LZTFL1: variants seen among roughly 807,000 people sequenced by gnomAD.
LZTFL1 encodes leucine zipper transcription factor-like protein 1.
In LZTFL1, 25 loss-of-function variants were observed where a neutral mutation model predicts 45.9. The ratio of observed to expected loss-of-function variants is 0.54; its 90% CI spans 0.40 to 0.76. LZTFL1 has a LOEUF of 0.76. Ranked by LOEUF, LZTFL1 falls within the 30% of genes least tolerant of loss-of-function variation. The pLI is 0.00. For synonymous variants in LZTFL1, 93 were observed against 117.4 expected, an observed-to-expected ratio of 0.79 and a Z score of 1.35; for missense variants, 277 against 331.1, an observed-to-expected ratio of 0.84 and a Z score of 1.27.
intron 2 of LZTFL1, among the ~76,000 whole-genome samples, chr3:45,892,067 G>A (rs1441050014): frequency 6.6e-6 from 1 of 152,072 alleles, no homozygotes; most frequent in African/African-American, 2.4e-5. Context: ...GCTGTTTAGT[G>A]GAGAAAGATA....
chr3:45,878,577 G>T (rs1432159845), intron 2 of LZTFL1, among the ~76,000 whole-genome samples: 1 of 150,662 alleles, frequency 6.6e-6, no homozygotes, highest in Non-Finnish European at 1.5e-5. Context: ...GATTTTTAGG[G>T]TCACAAAGGC....
Position 45,833,056 on chromosome 3 carries a change from T to C in LZTFL1, c.450A>G (p.Leu150=). Residue 150 remains leucine (L), a synonymous_variant, in exon 5 of 10, where the codon CTA becomes CTG. Transcript: ENST00000296135. ...PLNEGGTAEL[L]NKEILRLQEE... ...CTCAAAATAATAATATTACCTTGTT[T>C]AGGAGTTCTGCTGTTCCACCTTCAT... The C allele has an allele frequency of 6.2e-7, 1 of 1,611,100 alleles. No homozygotes were observed. Among genetic ancestry groups the C allele is most frequent in the Non-Finnish European group, 8.5e-7 (1 of 1,177,388 alleles).
intron 1 of LZTFL1, 144 bp from the exon 2 acceptor site, chr3:45,838,195 G>A: frequency 1.2e-6 from 1 of 854,716 alleles, no homozygotes; most frequent in Non-Finnish European, 1.7e-6. Flanking sequence ...CTGCATGGCT[G>A]CCCACCTAGA....
At chr3:45,849,771 G>C (rs1379989298) in intron 4 of LZTFL1, among the ~76,000 whole-genome samples, 2 of 152,168 alleles carry the variant, frequency 1.3e-5, no homozygotes, top group East Asian at 1.9e-4. Context: ...TACTTTTCGT[G>C]TATAGAATTG....
At chr3:45,883,831 G>A (rs953293077) in intron 2 of LZTFL1, 2 of 530,732 alleles carry the variant, frequency 3.8e-6, no homozygotes, top group South Asian at 2.7e-5. Context: ...TTGCAGCCAC[G>A]GAGTAGGCCA....
rs115997598 is a variant in LZTFL1 at position 45,824,633 on chromosome 3, T to C, written c.*1681A>G. 2.9e-4 allele frequency: 114 copies of C among 393,876 alleles called. No individual in the cohort carries two copies. The highest frequency in any genetic ancestry group is 2.1e-3 in the African/African-American group (101 of 48,656). 24.4% of individuals were successfully genotyped at this position (393,876 alleles called of 1,614,324 possible). ...ATAGGTTTCTTATCAACATACCTTT[T>C]TTCCTCACTGGTTTCAAACTGACAA... On this transcript the variant is annotated 3_prime_UTR_variant, in exon 10 of 10. Coordinates refer to ENST00000296135, the MANE Select transcript of LZTFL1 (RefSeq NM_020347.4).
At chr3:45,828,670 G>C in intron 7 of LZTFL1, 55 bp from the exon 8 acceptor site, 1 of 1,378,080 alleles carries the variant, frequency 7.3e-7, no homozygotes, top group Non-Finnish European at 1.0e-6. Context: ...AAAAATAACT[G>C]TTTTAGAATG....
chr3:45,860,780 G>C (rs1392581530), intron 2 of LZTFL1, among the ~76,000 whole-genome samples: 1 of 152,112 alleles, frequency 6.6e-6, no homozygotes, highest in Non-Finnish European at 1.5e-5. Context: ...TCTCTTAAAG[G>C]GTTGCCTCAG....
At position 45,830,908 on chromosome 3, in the gene LZTFL1, T is replaced by C. The variant is rs1700795915; in HGVS notation, c.600+5A>G. On this transcript the variant is annotated splice_donor_5th_base_variant and intron_variant, in intron 7 of 9. Coordinates refer to ENST00000296135, the MANE Select transcript of LZTFL1 (RefSeq NM_020347.4). The stretch of plus-strand genomic sequence containing the variant: ...TGTGAGAAAGGTAGCTAAAACTTGT[T>C]TCACCTTTTGATTTCCTTGATCAAG... The C allele has an allele frequency of 1.2e-6, 2 of 1,612,612 alleles. No individual in the cohort carries two copies. Among genetic ancestry groups the C allele is most frequent in the East Asian group, 4.5e-5 (2 of 44,848 alleles).
intron 4 of LZTFL1, 70 bp from the exon 5 acceptor site, chr3:45,833,191 C>T (rs950180138): frequency 1.9e-6 from 2 of 1,078,556 alleles, no homozygotes; most frequent in Admixed American, 1.7e-5. Context: ...TGAACACTTG[C>T]ACTTTGCAAG....
exon 2 of LZTFL1, chr3:45,913,156 T>C (rs1482770761): frequency 6.5e-7 from 1 of 1,535,892 alleles, no homozygotes; most frequent in Non-Finnish European, 8.7e-7. Flanking sequence ...TCTGTAAAAG[T>C]GGGCTGACTT....
In LZTFL1 at chr3:45,901,065, G is replaced by T; in HGVS notation, c.-215+12055C>A. ...CATGTTCCTTTTGAATTTGGCAATTGCTGACCTCCTCTTTCTTGTCACTCT... is the reference window on the plus strand; with the variant it reads ...CATGTTCCTTTTGAATTTGGCAATTTCTGACCTCCTCTTTCTTGTCACTCT... On this transcript the variant is annotated intron_variant, in intron 2 of 4. Coordinates refer to the LZTFL1 transcript ENST00000472635. This position sits in a 1 kb window ranked among gnomAD's most constrained non-coding sequence, Gnocchi z 4.3. 6.2e-7 allele frequency: 1 copy of T among 1,614,158 alleles called. No homozygotes were observed. Among genetic ancestry groups the T allele is most frequent in the Non-Finnish European group, 8.5e-7 (1 of 1,180,032 alleles).
intron 8 of LZTFL1, 79 bp from the exon 9 acceptor site, chr3:45,827,538 T>C (rs543354529): frequency 3.5e-6 from 3 of 854,896 alleles, no homozygotes; most frequent in Non-Finnish European, 5.7e-6. Flanking sequence ...AAATATGTAG[T>C]TTTTTTTGCT....
rs574033428 is a variant in LZTFL1, at chr3:45,824,206, A to G, written c.*2108T>C. The G allele has an allele frequency of 6.6e-6, 1 of 152,186 alleles. No individual in the cohort carries two copies. The highest frequency in any genetic ancestry group is 6.5e-5 in the Admixed American group (1 of 15,282). 9.4% of individuals were successfully genotyped at this position (152,186 alleles called of 1,614,324 possible). On this transcript the variant is annotated 3_prime_UTR_variant, in exon 10 of 10. Coordinates refer to ENST00000296135, the MANE Select transcript of LZTFL1 (RefSeq NM_020347.4). ...TGCCTGTCTGGCTTAGCACATCAAA[A>G]GTCTAATCAAGGCTCAAACCACCAT...
At chr3:45,844,396 G>C (rs528680121), upstream of LZTFL1, among the ~76,000 whole-genome samples, 1 of 152,146 alleles carries the variant, frequency 6.6e-6, no homozygotes, top group Non-Finnish European at 1.5e-5. Context: ...GGGGATGCAG[G>C]GGGACTAAGG....
At chr3:45,888,844 G>A (rs1045308831) in intron 2 of LZTFL1, among the ~76,000 whole-genome samples, 2 of 152,214 alleles carry the variant, frequency 1.3e-5, no homozygotes, top group Admixed American at 6.5e-5. Context: ...GGTTCTAGAT[G>A]TGGGCTCTAG....
intron 7 of LZTFL1, among the ~76,000 whole-genome samples, 183 bp downstream of exon 7, chr3:45,830,730 G>C (rs919556579): frequency 6.6e-6 from 1 of 152,164 alleles, no homozygotes; most frequent in Non-Finnish European, 1.5e-5. Context: ...TGGACAGAGG[G>C]AAGGTCACTG....
intron 2 of LZTFL1, among the ~76,000 whole-genome samples, chr3:45,881,382 G>T (rs1701857152): frequency 6.6e-6 from 1 of 152,120 alleles, no homozygotes; most frequent in African/African-American, 2.4e-5. Flanking sequence ...GCCTCCAACT[G>T]GTTTTGTTCT....
intron 2 of LZTFL1, among the ~76,000 whole-genome samples, chr3:45,878,475 C>T (rs1401943681): frequency 6.6e-6 from 1 of 151,866 alleles, no homozygotes; most frequent in Non-Finnish European, 1.5e-5. Flanking sequence ...CAGGGGTTGG[C>T]GCTATGGACA....
Sources: allele counts gnomAD v4.1 joint callset (sites outside exome capture counted in the v4.1 genomes callset), GRCh38; gene constraint gnomAD v4.1.1; non-coding constraint Gnocchi (gnomAD v3.1); transcripts MANE v1.5; gene names NCBI Gene and HGNC (gene_info 2026-07-23, HGNC 2026-07-21).